RABGEF1: variants seen among roughly 807,000 people sequenced by gnomAD.
RABGEF1 encodes rab5 GDP/GTP exchange factor.
A neutral mutation model predicts 57.3 loss-of-function variants in RABGEF1; 26 were observed. The observed-to-expected ratio is 0.45, with a 90% CI of 0.33 to 0.63. The LOEUF (loss-of-function observed/expected upper bound fraction) is 0.63. Among genes scored for constraint, RABGEF1 ranks in the 20% least tolerant of loss-of-function variants. RABGEF1 has a pLI of 0.02. For missense variants in RABGEF1, 464 were observed against 607.6 expected, an observed-to-expected ratio of 0.76 and a Z score of 2.48; for synonymous variants, 185 against 210.7, an observed-to-expected ratio of 0.88 and a Z score of 1.06.
intron 1 of RABGEF1, among the ~76,000 whole-genome samples, chr7:66,744,956 G>C (rs1267094177): frequency 1.3e-5 from 2 of 152,140 alleles, no homozygotes; most frequent in Non-Finnish European, 2.9e-5. Flanking sequence ...ACTTTGGGAA[G>C]CTGAGGCGGG....
intron 1 of RABGEF1, among the ~76,000 whole-genome samples, chr7:66,742,887 A>T (rs1297574867): frequency 1.3e-5 from 2 of 152,188 alleles, no homozygotes; most frequent in African/African-American, 4.8e-5. Context: ...AATTACAGGC[A>T]TCAGCTACCG....
chr7:66,680,327 A>G (rs1015728157), upstream of RABGEF1, among the ~76,000 whole-genome samples: 2 of 151,890 alleles, frequency 1.3e-5, no homozygotes, highest in African/African-American at 2.4e-5. Context: ...GCTCACTGCA[A>G]CCTGTTTCCT....
chr7:66,773,483 T>A (rs191749770), intron 2 of RABGEF1, among the ~76,000 whole-genome samples: 6 of 152,332 alleles, frequency 3.9e-5, no homozygotes, highest in Admixed American at 3.9e-4. Context: ...CCCTGCTAAA[T>A]CTCTCGGAAA....
chr7:66,695,720 C>T (rs1365108546), intron 1 of RABGEF1, among the ~76,000 whole-genome samples: 1 of 152,104 alleles, frequency 6.6e-6, no homozygotes, highest in Non-Finnish European at 1.5e-5. Context: ...AATCCTAGCA[C>T]TTTGGGAGGC....
At chr7:66,655,804 G>T in the RABGEF1 span, among the ~76,000 whole-genome samples, 4 of 152,218 alleles carry the variant, frequency 2.6e-5, no homozygotes, top group Non-Finnish European at 4.4e-5. Flanking sequence ...ATTCATATCT[G>T]CAGGATTAAG....
upstream of RABGEF1, chr7:66,740,399 C>T (rs1585066019): frequency 6.6e-6 from 1 of 152,302 alleles, no homozygotes; most frequent in South Asian, 2.1e-4. Flanking sequence ...GCCGCAGCCC[C>T]AGGAGTCGCC....
intron 1 of RABGEF1, among the ~76,000 whole-genome samples, chr7:66,706,116 A>G (rs1794048784): frequency 6.7e-6 from 1 of 150,272 alleles, no homozygotes. Flanking sequence ...GTTAGCCAGG[A>G]TGGTCTCGAT....
At chr7:66,697,873 A>G (rs1052284957) in intron 1 of RABGEF1, among the ~76,000 whole-genome samples, 2 of 152,160 alleles carry the variant, frequency 1.3e-5, no homozygotes, top group African/African-American at 2.4e-5. Context: ...AAAAAGGTCC[A>G]GGAGTCCGAG....
intron 1 of RABGEF1, among the ~76,000 whole-genome samples, chr7:66,760,688 C>T (rs946560370): frequency 3.9e-5 from 6 of 152,084 alleles, no homozygotes; most frequent in Non-Finnish European, 7.4e-5. Flanking sequence ...GTGATCTGCC[C>T]GTCTCAGCCT....
In RABGEF1 at chr7:66,810,741, C is replaced by A. The variant is rs1237233704; in HGVS notation, c.*1457C>A. The A allele has an allele frequency of 1.3e-5, 2 of 152,244 alleles. No individual in the cohort carries two copies. Among genetic ancestry groups the A allele is most frequent in the Admixed American group, 1.3e-4 (2 of 15,288 alleles). The allele number at this position is 152,244 out of a possible 1,614,324, so 9.4% of individuals were successfully genotyped here. A position where few individuals can be genotyped will look rare whatever the true frequency, so the allele number is the denominator to read the frequency against. On this transcript the variant is annotated 3_prime_UTR_variant, in exon 9 of 9. Transcript: ENST00000284957. ...GAGGCCCCAGGGCACCGTTCTAGAA[C>A]AACGTCACTTCACACAGGCAGCTGA...
intron 3 of RABGEF1, among the ~76,000 whole-genome samples, chr7:66,779,619 C>T (rs1809378051): frequency 6.6e-6 from 1 of 150,828 alleles, no homozygotes; most frequent in South Asian, 2.1e-4. Context: ...CTGCAATGTG[C>T]TGTGATCATG....
chr7:66,678,303 C>T (rs1216434035), upstream of RABGEF1, among the ~76,000 whole-genome samples: 10 of 151,990 alleles, frequency 6.6e-5, no homozygotes, highest in Admixed American at 3.3e-4. Context: ...CGGTGGCTCA[C>T]GCCTGTAATT....
At chr7:66,664,272 C>T in the RABGEF1 span, among the ~76,000 whole-genome samples, 1 of 152,012 alleles carries the variant, frequency 6.6e-6, no homozygotes, top group African/African-American at 2.4e-5. Flanking sequence ...AAACAGTGAA[C>T]ACAGGCAACT....
the RABGEF1 span, among the ~76,000 whole-genome samples, chr7:66,665,725 T>C: frequency 1.3e-5 from 2 of 152,206 alleles, no homozygotes; most frequent in African/African-American, 2.4e-5. Context: ...CTGAGACATC[T>C]TAGTCTGGGC....
intron 1 of RABGEF1, among the ~76,000 whole-genome samples, chr7:66,709,086 C>T (rs1414260065): frequency 2.0e-5 from 3 of 151,740 alleles, no homozygotes; most frequent in South Asian, 2.1e-4. Context: ...GGCACAATCT[C>T]GGCTCACTAC....
chr7:66,693,457 C>A (rs1791841131), intron 1 of RABGEF1, among the ~76,000 whole-genome samples: 1 of 152,178 alleles, frequency 6.6e-6, no homozygotes, highest in Non-Finnish European at 1.5e-5. Context: ...TCTCATGCCC[C>A]TCCCTGGGCT....
intron 2 of RABGEF1, among the ~76,000 whole-genome samples, chr7:66,730,742 G>A (rs1259366255): frequency 1.3e-5 from 2 of 152,076 alleles, no homozygotes; most frequent in African/African-American, 4.8e-5. Flanking sequence ...ATTTTTGGTA[G>A]AGATGGGATT....
chr7:66,765,945 T>C (rs1465097814), intron 1 of RABGEF1, among the ~76,000 whole-genome samples: 1 of 152,220 alleles, frequency 6.6e-6, no homozygotes. Flanking sequence ...CTATCATACT[T>C]ATAGTACAAA....
intron 1 of RABGEF1, among the ~76,000 whole-genome samples, chr7:66,755,561 A>G (rs1802514027): frequency 6.6e-6 from 1 of 152,242 alleles, no homozygotes; most frequent in South Asian, 2.1e-4. Flanking sequence ...CTGTTACCTT[A>G]GGTGGAGTTA....
Sources: allele counts gnomAD v4.1 joint callset (sites outside exome capture counted in the v4.1 genomes callset), GRCh38; gene constraint gnomAD v4.1.1; transcripts MANE v1.5; gene names NCBI Gene and HGNC (gene_info 2026-07-23, HGNC 2026-07-21).